REEP3: variants seen among roughly 807,000 people sequenced by gnomAD.
REEP3 encodes the protein receptor accessory protein 3, also known as receptor expression-enhancing protein 3.
A neutral mutation model predicts 41.3 loss-of-function variants in REEP3; 20 were observed. The observed-to-expected ratio is 0.48, with a 90% CI of 0.34 to 0.70. REEP3 has a LOEUF of 0.70. Ranked by LOEUF, REEP3 falls within the 30% of genes least tolerant of loss-of-function variation. REEP3 has a pLI of 0.01. For missense variants in REEP3, 271 were observed against 308.8 expected (o/e 0.88, Z 0.92); for synonymous variants, 104 against 101.8 (o/e 1.02, Z -0.13).
intron 5 of REEP3, among the ~76,000 whole-genome samples, chr10:63,601,292 CAAGCTCTCAA>C (rs780685279): frequency 3.3e-5 from 5 of 152,180 alleles, no homozygotes; most frequent in Non-Finnish European, 7.4e-5. Flanking sequence ...TATTAACAGT[CAAGCTCTCAA>C]TTGTGTTAGC....
chr10:63,616,586 T>C (rs1161567120), intron 6 of REEP3, among the ~76,000 whole-genome samples: 1 of 152,210 alleles, frequency 6.6e-6, no homozygotes, highest in African/African-American at 2.4e-5. Flanking sequence ...AGATGTATAA[T>C]CAGCTTTTGA....
intron 1 of REEP3, among the ~76,000 whole-genome samples, chr10:63,530,115 G>A (rs908572989): frequency 3.9e-5 from 6 of 152,116 alleles, no homozygotes; most frequent in African/African-American, 1.4e-4. Context: ...CTATAATATA[G>A]CAAGAGAATG....
chr10:63,566,464 A>G, intron 2 of REEP3, 54 bp downstream of exon 2: 1 of 968,458 alleles, frequency 1.0e-6, no homozygotes. Context: ...AATGATACAC[A>G]CTGAAAAACT....
At chr10:63,555,664 T>C (rs1000593035) in intron 1 of REEP3, among the ~76,000 whole-genome samples, 4 of 152,238 alleles carry the variant, frequency 2.6e-5, no homozygotes, top group African/African-American at 9.6e-5. Context: ...AGATAACCTA[T>C]AATGACTTTC....
chr10:63,569,530 G>T (rs1955834504), intron 2 of REEP3, among the ~76,000 whole-genome samples: 2 of 151,016 alleles, frequency 1.3e-5, no homozygotes, highest in Non-Finnish European at 2.9e-5. Flanking sequence ...ATGTTTAGAT[G>T]AGAAGCTCTA....
intron 1 of REEP3, among the ~76,000 whole-genome samples, chr10:63,525,322 C>CTTAGCATTCTGTGATGATATGAAAGT (rs1955351587): frequency 6.6e-6 from 1 of 152,146 alleles, no homozygotes; most frequent in Non-Finnish European, 1.5e-5. Flanking sequence ...TTTGTCCAGC[C>CTTAGCATTCTGTGATGATATGAAAGT]TTAGCATTCT....
chr10:63,608,952 G>C (rs1317851972), intron 5 of REEP3, among the ~76,000 whole-genome samples: 1 of 152,158 alleles, frequency 6.6e-6, no homozygotes, highest in Admixed American at 6.5e-5. Context: ...CCTGTGCCTA[G>C]TGTCTGCCAT....
intron 2 of REEP3, among the ~76,000 whole-genome samples, chr10:63,583,099 C>T (rs935862369): frequency 6.6e-6 from 1 of 152,184 alleles, no homozygotes; most frequent in Non-Finnish European, 1.5e-5. Flanking sequence ...CATTCTCCTG[C>T]CTCAGCCTCT....
chr10:63,532,864 C>T (rs1380763318), intron 1 of REEP3, among the ~76,000 whole-genome samples: 1 of 152,048 alleles, frequency 6.6e-6, no homozygotes, highest in Non-Finnish European at 1.5e-5. Flanking sequence ...AGGATCGTGC[C>T]ACTGTACTCC....
chr10:63,586,945 A>G (rs988368732), intron 2 of REEP3, among the ~76,000 whole-genome samples: 14 of 149,948 alleles, frequency 9.3e-5, no homozygotes, highest in Admixed American at 6.6e-4. Flanking sequence ...AACATCAAAC[A>G]TCTTTGTTTA....
At chr10:63,594,738 T>A (rs756204151) in intron 2 of REEP3, 40 bp from the exon 3 acceptor site, 1 of 1,287,350 alleles carries the variant, frequency 7.8e-7, no homozygotes, top group Non-Finnish European at 1.1e-6. Flanking sequence ...TTGCAAATAA[T>A]TTTCATCTGT....
At chr10:63,609,363 A>G (rs907039204) in intron 5 of REEP3, among the ~76,000 whole-genome samples, 1 of 151,678 alleles carries the variant, frequency 6.6e-6, no homozygotes, top group Non-Finnish European at 1.5e-5. Flanking sequence ...GAGGCAGGAG[A>G]ATGGTGTGAA....
intron 2 of REEP3, among the ~76,000 whole-genome samples, chr10:63,590,693 T>C (rs1956053675): frequency 6.6e-6 from 1 of 152,166 alleles, no homozygotes; most frequent in South Asian, 2.1e-4. Context: ...GGGGGACTTG[T>C]AGATTGACAA....
chr10:63,583,262 A>C (rs1955971935), intron 2 of REEP3, among the ~76,000 whole-genome samples: 1 of 152,300 alleles, frequency 6.6e-6, no homozygotes, highest in South Asian at 2.1e-4. Context: ...AAGTGCTGGG[A>C]CTACAGGCGT....
intron 1 of REEP3, among the ~76,000 whole-genome samples, chr10:63,542,323 G>A (rs966786270): frequency 3.3e-5 from 5 of 152,006 alleles, no homozygotes; most frequent in African/African-American, 4.8e-5. Flanking sequence ...TGATCCACCC[G>A]CCTCTGTCTC....
At chr10:63,533,708 A>ATTTTTTTTTTTTTTTT (rs1464023228) in intron 1 of REEP3, among the ~76,000 whole-genome samples, 1 of 93,916 alleles carries the variant, frequency 1.1e-5, no homozygotes, top group East Asian at 4.5e-4. Flanking sequence ...AAGTATGTAA[A>ATTTTTTTTTTTTTTTT]TCTTTTTTTT....
At chr10:63,544,335 T>C (rs952921221) in intron 1 of REEP3, among the ~76,000 whole-genome samples, 1 of 152,200 alleles carries the variant, frequency 6.6e-6, no homozygotes, top group African/African-American at 2.4e-5. Flanking sequence ...ATGATTGATA[T>C]TAACAGGGGG....
intron 1 of REEP3, among the ~76,000 whole-genome samples, chr10:63,542,064 C>G (rs372916570): frequency 5.8e-4 from 85 of 147,222 alleles, no homozygotes; most frequent in African/African-American, 2.1e-3. Context: ...GACATCACTA[C>G]TTCTTTTTGT....
At chr10:63,563,747 C>T (rs1432854451) in intron 1 of REEP3, among the ~76,000 whole-genome samples, 1 of 151,874 alleles carries the variant, frequency 6.6e-6, no homozygotes, top group Non-Finnish European at 1.5e-5. Flanking sequence ...TGACAAAGTC[C>T]TACTTCAGCA....
Sources: allele counts gnomAD v4.1 joint callset (sites outside exome capture counted in the v4.1 genomes callset), GRCh38; gene constraint gnomAD v4.1.1; transcripts MANE v1.5; gene names NCBI Gene and HGNC (gene_info 2026-07-23, HGNC 2026-07-21).